FREM2: variants seen among roughly 807,000 people sequenced by gnomAD.
FREM2 encodes FRAS1 related extracellular matrix 2.
Under a neutral mutation model 219.9 loss-of-function variants are expected in FREM2, and 119 were observed. The observed-to-expected ratio is 0.54, with a 90% CI of 0.47 to 0.63. The LOEUF is 0.63. Among genes scored for constraint, FREM2 ranks in the 30% least tolerant of loss-of-function variants. FREM2 has a pLI of 0.00. For synonymous variants in FREM2, 1,562 were observed against 1,522.8 expected, an observed-to-expected ratio of 1.03 and a Z score of -0.60; for missense variants, 4,030 against 3,993.6, an observed-to-expected ratio of 1.01 and a Z score of -0.25.
chr13:38,866,669 A>C (rs1877980275), intron 16 of FREM2, among the ~76,000 whole-genome samples: 2 of 129,734 alleles, frequency 1.5e-5, no homozygotes, highest in South Asian at 4.7e-4. Flanking sequence ...CTCCATCTCA[A>C]AAAAAAAAAA....
chr13:38,855,903 G>T (rs1406554617), intron 11 of FREM2, among the ~76,000 whole-genome samples: 1 of 151,864 alleles, frequency 6.6e-6, no homozygotes, highest in Non-Finnish European at 1.5e-5. Flanking sequence ...AAAAAATAAA[G>T]TCTTGGGAAA....
At chr13:38,879,912 C>T (rs1355771361) in intron 23 of FREM2, among the ~76,000 whole-genome samples, 1 of 152,180 alleles carries the variant, frequency 6.6e-6, no homozygotes, top group African/African-American at 2.4e-5. Context: ...AAGATTTGAG[C>T]TGTAGTCCTG....
rs1426716571 is a variant in FREM2 at position 38,687,666 on chromosome 13, T to G, written c.322T>G (p.Ser108Ala). 6.2e-7 allele frequency: 1 copy of G among 1,604,688 alleles called. No individual in the cohort carries two copies. Among genetic ancestry groups the G allele is most frequent in the Admixed American group, 1.7e-5 (1 of 59,502 alleles). The change falls in exon 1 of 24, where the codon TCG (serine) becomes GCG (alanine). Residue 108 changes from serine (S) to alanine (A), a missense_variant. Ser to Ala is a moderately conservative substitution (Grantham distance 99). This residue lies in a region of FREM2 where 3,102 missense variants were observed against 2,950.7 expected (regional missense o/e 1.05). Transcript: ENST00000280481. ...GCAGCCCGGGGACCGCTGCGCGGTT[T>G]CGGTACTAGACAACGACGCACTGGC... Reference protein sequence around the residue: ...QVQPGDRCAVSVLDNDALAQR... With the variant: ...QVQPGDRCAVAVLDNDALAQR...
rs1413348354 is a variant in FREM2 at position 38,882,339 on chromosome 13, A to G, written c.*1552A>G. The G allele has an allele frequency of 6.6e-6, 1 of 152,188 alleles. No homozygotes were observed. Among genetic ancestry groups the G allele is most frequent in the Non-Finnish European group, 1.5e-5 (1 of 68,036 alleles). 9.4% of individuals were successfully genotyped at this position (152,188 alleles called of 1,614,324 possible). A position where few individuals can be genotyped will look rare whatever the true frequency, so the allele number is the denominator to read the frequency against. On this transcript the variant is annotated 3_prime_UTR_variant, in exon 24 of 24. Coordinates refer to ENST00000280481, the MANE Select transcript of FREM2 (RefSeq NM_207361.6). ...TCTAGCCATAAGCTGGCCACATTGG[A>G]CATCTTGGTCACTGCAGAATTTTAA... is the stretch of plus-strand genomic sequence containing the variant.
chr13:38,868,483 A>C (rs909075819), intron 16 of FREM2, among the ~76,000 whole-genome samples: 1 of 152,260 alleles, frequency 6.6e-6, no homozygotes, highest in African/African-American at 2.4e-5. Flanking sequence ...TGTTAAACAC[A>C]TCATAATGCT....
chr13:38,766,243 A>T (rs954076723), intron 3 of FREM2, among the ~76,000 whole-genome samples: 11 of 152,116 alleles, frequency 7.2e-5, no homozygotes, highest in Admixed American at 5.2e-4. Context: ...CTTAAGCTGG[A>T]TGCCAAAATG....
At chr13:38,862,214 G>A (rs193119145) in intron 15 of FREM2, among the ~76,000 whole-genome samples, 5 of 152,292 alleles carry the variant, frequency 3.3e-5, no homozygotes, top group East Asian at 3.9e-4. Flanking sequence ...ATGTAGCTAA[G>A]GGAGAGGAAA....
At chr13:38,868,982 T>A (rs1347013723) in intron 16 of FREM2, among the ~76,000 whole-genome samples, 1 of 152,232 alleles carries the variant, frequency 6.6e-6, no homozygotes, top group Non-Finnish European at 1.5e-5. Context: ...GACCCAGGTC[T>A]GTTTGTCCTC....
chr13:38,866,548 A>G (rs1877974438), intron 16 of FREM2, among the ~76,000 whole-genome samples: 1 of 151,830 alleles, frequency 6.6e-6, no homozygotes, highest in Non-Finnish European at 1.5e-5. Context: ...CATGCCTGTA[A>G]TCCCAGCTAC....
At chr13:38,826,328 C>T (rs938179387) in intron 6 of FREM2, among the ~76,000 whole-genome samples, 3 of 152,084 alleles carry the variant, frequency 2.0e-5, no homozygotes, top group African/African-American at 2.4e-5. Flanking sequence ...TCCCCAGTGT[C>T]GGGCATTTCG....
intron 2 of FREM2, among the ~76,000 whole-genome samples, chr13:38,750,236 G>C (rs989464956): frequency 6.6e-6 from 1 of 152,134 alleles, no homozygotes; most frequent in African/African-American, 2.4e-5. Flanking sequence ...CCCACGTGTT[G>C]TGGGAGGGAC....
At chr13:38,760,005 G>A (rs1226044978) in intron 2 of FREM2, among the ~76,000 whole-genome samples, 2 of 152,170 alleles carry the variant, frequency 1.3e-5, no homozygotes, top group South Asian at 2.1e-4. Context: ...TCACTCTTGC[G>A]TAAGAAGTGA....
intron 2 of FREM2, among the ~76,000 whole-genome samples, chr13:38,753,905 T>C (rs976118793): frequency 6.6e-6 from 1 of 152,234 alleles, no homozygotes; most frequent in Admixed American, 6.5e-5. Context: ...TTCATGTTTC[T>C]TCCTTCCTTT....
intron 7 of FREM2, among the ~76,000 whole-genome samples, chr13:38,847,074 C>T (rs1877185667): frequency 6.6e-6 from 1 of 152,032 alleles, no homozygotes; most frequent in African/African-American, 2.4e-5. Flanking sequence ...AATCTATCCC[C>T]ACAGAAACCT....
At position 38,851,032 on chromosome 13, in the gene FREM2, A is replaced by G. The variant is rs1300931120; in HGVS notation, c.6666A>G (p.Pro2222=). Residue 2222 remains proline, a synonymous_variant, in exon 10 of 24, where the codon CCA becomes CCG. Coordinates refer to ENST00000280481, the MANE Select transcript of FREM2 (RefSeq NM_207361.6). The part of the protein sequence containing the change: ...VEELRLVLGT[P]QSNSPFGAAV... ...AGCTCCGCCTGGTACTCGGCACTCC[A>G]CAAAGCAACTCTCCCTTTGGGGCTG... is the stretch of plus-strand genomic sequence containing the variant. 3 of 1,613,970 alleles carry G rather than the reference A, an allele frequency of 1.9e-6. No homozygotes were observed. In the Admixed American group the frequency reaches 5.0e-5, roughly 27 times the overall value.
intron 4 of FREM2, among the ~76,000 whole-genome samples, chr13:38,771,805 T>A (rs999474776): frequency 3.9e-5 from 6 of 152,174 alleles, no homozygotes; most frequent in African/African-American, 1.2e-4. Flanking sequence ...TATTTCTAGT[T>A]GTATGACCTG....
chr13:38,826,433 G>T (rs1362856708), intron 6 of FREM2, among the ~76,000 whole-genome samples: 4 of 152,016 alleles, frequency 2.6e-5, no homozygotes, highest in Admixed American at 1.3e-4. Context: ...CAATAGCGTT[G>T]ACTGCTAATA....
At chr13:38,827,451 A>G (rs1432735617) in intron 6 of FREM2, 1 of 152,074 alleles carries the variant, frequency 6.6e-6, no homozygotes, top group African/African-American at 2.4e-5. Context: ...TTTGAATAGA[A>G]ACTTGGGAGG....
chr13:38,720,779 A>G (rs755850911), intron 2 of FREM2, among the ~76,000 whole-genome samples: 2 of 152,194 alleles, frequency 1.3e-5, no homozygotes, highest in Non-Finnish European at 2.9e-5. Flanking sequence ...AGAGAGGGGG[A>G]AAGACTGAAT....
Sources: allele counts gnomAD v4.1 joint callset (sites outside exome capture counted in the v4.1 genomes callset), GRCh38; gene constraint gnomAD v4.1.1; regional missense constraint gnomAD v4.1.1; transcripts MANE v1.5; gene names NCBI Gene and HGNC (gene_info 2026-07-23, HGNC 2026-07-21).